ADGRL4: variants seen among roughly 807,000 people sequenced by gnomAD.
ADGRL4 encodes the protein adhesion G protein-coupled receptor L4, also known as EGF, latrophilin and seven transmembrane domain containing 1.
Under a neutral mutation model 74.8 loss-of-function variants are expected in ADGRL4, and 90 were observed. The ratio of observed to expected loss-of-function variants is 1.20; its 90% confidence interval spans 1.02 to 1.43. The LOEUF (loss-of-function observed/expected upper bound fraction) is 1.43. Ranked by LOEUF, ADGRL4 falls within the 40% of genes most tolerant of loss-of-function variation. ADGRL4 has a pLI of 0.00. For missense variants in ADGRL4, 881 were observed against 814.3 expected (o/e 1.08, Z -1.00); for synonymous variants, 311 against 279.2 (o/e 1.11, Z -1.14).
At chr1:78,910,722 G>A (rs1648745313) in intron 12 of ADGRL4, among the ~76,000 whole-genome samples, 1 of 151,812 alleles carries the variant, frequency 6.6e-6, no homozygotes, top group Admixed American at 6.6e-5. Flanking sequence ...TCTTCAGTTT[G>A]CAGCTTGCTT....
intron 12 of ADGRL4, among the ~76,000 whole-genome samples, chr1:78,905,691 G>A (rs977581607): frequency 1.3e-5 from 2 of 151,892 alleles, no homozygotes. Context: ...TTTATTTGGT[G>A]ATGTATTCTC....
chr1:79,000,236 G>T (rs934818469), intron 2 of ADGRL4, among the ~76,000 whole-genome samples: 1 of 152,008 alleles, frequency 6.6e-6, no homozygotes, highest in Non-Finnish European at 1.5e-5. Context: ...TCGGTTACTT[G>T]GGAAAATCCA....
intron 8 of ADGRL4, among the ~76,000 whole-genome samples, chr1:78,922,531 T>C (rs1219536407): frequency 6.6e-6 from 1 of 152,050 alleles, no homozygotes; most frequent in Admixed American, 6.6e-5. Context: ...ATTCTCCTTA[T>C]CATACTTTTA....
chr1:78,920,367 A>C lies in ADGRL4; in HGVS notation c.1277T>G (p.Ile426Ser). Residue 426 changes from isoleucine to serine, a missense_variant, in exon 10 of 15, where the codon ATT (isoleucine) becomes AGT (serine). By Grantham distance (142) the Ile-to-Ser change is moderately radical (BLOSUM62 -2). Coordinates refer to ENST00000370742, the MANE Select transcript of ADGRL4 (RefSeq NM_022159.4). The stretch of plus-strand genomic sequence containing the variant: ...TCCTAGTTGAGTGATCCTTGTAAGA[A>C]TATTATAATCTTTAATACCCTAAGG... The part of the protein sequence containing the change: ...GPSIGIKDYN[I>S]LTRITQLGII... 6.3e-7 allele frequency: 1 copy of C among 1,591,028 alleles called. No individual in the cohort carries two copies. The highest frequency in any genetic ancestry group is 1.1e-5 in the South Asian group (1 of 90,394).
In ADGRL4 at chr1:78,980,297, A is replaced by G. The variant is rs576889008; in HGVS notation, c.172+24773T>C. The stretch of plus-strand genomic sequence containing the variant: ...TAATTCTTTTTATTTACATTTCGAC[A>G]TTTTCTCTAGGCCTTTATTCTGAAG... On this transcript the variant is annotated intron_variant, in intron 2 of 14. Transcript: ENST00000370742. Among the ~76,000 whole-genome samples the G allele has an allele frequency of 5.9e-5, 9 of 151,720 alleles. No homozygotes were observed. In the East Asian group the frequency reaches 1.6e-3, roughly 26 times the overall value.
chr1:78,980,379 A>C (rs1650374219), intron 2 of ADGRL4, among the ~76,000 whole-genome samples: 1 of 151,986 alleles, frequency 6.6e-6, no homozygotes, highest in Non-Finnish European at 1.5e-5. Flanking sequence ...GAATAAGCAT[A>C]TAATATAAAT....
Position 78,936,294 on chromosome 1 carries a change from C to T in ADGRL4, c.877+1G>A. The T allele has an allele frequency of 6.3e-7, 1 of 1,588,414 alleles. No homozygotes were observed. Among genetic ancestry groups the T allele is most frequent in the Non-Finnish European group, 8.5e-7 (1 of 1,170,732 alleles). On this transcript the variant is annotated splice_donor_variant, in intron 7 of 14. Transcript: ENST00000370742. LOFTEE classifies it high-confidence loss of function. ...TGTCTGTTAGATTGTTAAAGTCCTA[C>T]CATTTGAATCATATGCAGCTTTTCT... is the stretch of plus-strand genomic sequence containing the variant.
intron 3 of ADGRL4, among the ~76,000 whole-genome samples, chr1:78,942,590 T>G (rs1649510712): frequency 6.6e-6 from 1 of 152,198 alleles, no homozygotes; most frequent in African/African-American, 2.4e-5. Flanking sequence ...AATAATTTGA[T>G]ATCACTAAAT....
At chr1:78,964,219 G>T (rs180786898) in intron 2 of ADGRL4, among the ~76,000 whole-genome samples, 61 of 152,278 alleles carry the variant, frequency 4.0e-4, no homozygotes, top group Middle Eastern at 6.8e-3. Flanking sequence ...CTCAATGAAT[G>T]TTCAAGATCA....
At chr1:78,968,378 G>C (rs978942004) in intron 2 of ADGRL4, among the ~76,000 whole-genome samples, 11 of 151,920 alleles carry the variant, frequency 7.2e-5, no homozygotes, top group African/African-American at 2.7e-4. Context: ...TAAGTAAATA[G>C]TTTAAAGTAG....
chr1:78,903,178 A>T (rs1030083342), intron 12 of ADGRL4, among the ~76,000 whole-genome samples: 1 of 152,168 alleles, frequency 6.6e-6, no homozygotes, highest in Admixed American at 6.5e-5. Context: ...TTGTTCCTCA[A>T]GGTGGAGGAA....
intron 13 of ADGRL4, among the ~76,000 whole-genome samples, chr1:78,892,536 G>C (rs1365271795): frequency 6.6e-6 from 1 of 152,064 alleles, no homozygotes; most frequent in African/African-American, 2.4e-5. Flanking sequence ...ACCATAACTG[G>C]TGAGGACTAA....
intron 2 of ADGRL4, among the ~76,000 whole-genome samples, chr1:78,958,144 T>C (rs182515765): frequency 1.3e-5 from 2 of 152,126 alleles, no homozygotes; most frequent in African/African-American, 4.8e-5. Context: ...AAAATATTAC[T>C]GCTCATTGTC....
At chr1:78,917,743 TG>T in intron 11 of ADGRL4, 43 bp from the exon 12 acceptor site, 1 of 1,584,872 alleles carries the variant, frequency 6.3e-7, no homozygotes, top group Non-Finnish European at 8.6e-7. Context: ...TATGTTTGCA[TG>T]TATGTTAACA....
intron 12 of ADGRL4, among the ~76,000 whole-genome samples, chr1:78,911,319 C>T (rs990072194): frequency 6.6e-6 from 1 of 151,772 alleles, no homozygotes; most frequent in Non-Finnish European, 1.5e-5. Context: ...TGAAAGCAAT[C>T]TTAACCTTCA....
intron 12 of ADGRL4, among the ~76,000 whole-genome samples, chr1:78,895,920 C>A (rs1229783673): frequency 6.6e-6 from 1 of 151,978 alleles, no homozygotes; most frequent in Non-Finnish European, 1.5e-5. Flanking sequence ...TCAGAAAGCA[C>A]CAGGTAGTTG....
intron 2 of ADGRL4, among the ~76,000 whole-genome samples, chr1:78,970,874 T>C (rs1196811318): frequency 2.0e-5 from 3 of 152,110 alleles, no homozygotes; most frequent in Non-Finnish European, 4.4e-5. Context: ...TGGTTTAGGA[T>C]TGGGCTCAGG....
At chr1:78,895,725 C>T (rs1056303451) in intron 12 of ADGRL4, among the ~76,000 whole-genome samples, 3 of 151,714 alleles carry the variant, frequency 2.0e-5, no homozygotes, top group East Asian at 1.9e-4. Context: ...GTAAGCAAAG[C>T]GACGAGTGGC....
chr1:78,959,745 G>C (rs1223363513), intron 2 of ADGRL4, among the ~76,000 whole-genome samples: 1 of 152,148 alleles, frequency 6.6e-6, no homozygotes, highest in East Asian at 1.9e-4. Context: ...GTTGATAAAA[G>C]TATACTGAAC....
Sources: allele counts gnomAD v4.1 joint callset (sites outside exome capture counted in the v4.1 genomes callset), GRCh38; gene constraint gnomAD v4.1.1; transcripts MANE v1.5; gene names NCBI Gene and HGNC (gene_info 2026-07-23, HGNC 2026-07-21).